ZNF536: variants seen among roughly 807,000 people sequenced by gnomAD.
ZNF536 encodes the protein zinc finger protein 536.
In ZNF536, 13 loss-of-function variants were observed where a neutral mutation model predicts 84.5. That is an observed-to-expected ratio of 0.15 (90% confidence interval 0.10 to 0.24). ZNF536 has a LOEUF of 0.24. Among genes scored for constraint, ZNF536 ranks in the 10% least tolerant of loss-of-function variants. ZNF536 has a pLI of 1.00. For missense variants in ZNF536, 1,536 were observed against 1,747.5 expected (o/e 0.88, Z 2.16); for synonymous variants, 811 against 742.5 (o/e 1.09, Z -1.50).
intron 3 of ZNF536, among the ~76,000 whole-genome samples, chr19:30,543,524 T>C (rs943219282): frequency 2.6e-5 from 4 of 152,216 alleles, no homozygotes; most frequent in Non-Finnish European, 4.4e-5. Flanking sequence ...GCCTGGCTCT[T>C]TTGGCATGGA....
intron 1 of ZNF536, among the ~76,000 whole-genome samples, chr19:30,689,428 T>A (rs914189578): frequency 6.6e-6 from 1 of 152,182 alleles, no homozygotes; most frequent in East Asian, 1.9e-4. Context: ...AACAGGAACA[T>A]TTTCTTTCAG....
chr19:30,683,387 A>G (rs1384393833), intron 1 of ZNF536, among the ~76,000 whole-genome samples: 1 of 152,228 alleles, frequency 6.6e-6, no homozygotes, highest in Non-Finnish European at 1.5e-5. Flanking sequence ...TTCCAGGCTT[A>G]ATATCCTCCC....
chr19:30,399,679 G>T (rs1043754058), intron 1 of ZNF536, among the ~76,000 whole-genome samples: 84 of 112,846 alleles, frequency 7.4e-4, no homozygotes, highest in African/African-American at 1.8e-3. Context: ...AATAAGAAAT[G>T]TTTTTTTTTT....
intron 2 of ZNF536, among the ~76,000 whole-genome samples, chr19:30,288,635 G>A (rs773350917): frequency 1.3e-5 from 2 of 152,154 alleles, no homozygotes; most frequent in Non-Finnish European, 2.9e-5. Flanking sequence ...CAGATTTCCT[G>A]GGTTGGAACC....
chr19:30,465,899 C>T (rs1345428079), intron 2 of ZNF536, among the ~76,000 whole-genome samples: 8 of 152,086 alleles, frequency 5.3e-5, no homozygotes, highest in Non-Finnish European at 1.0e-4. Flanking sequence ...TACAGGCACC[C>T]GCCACCACAC....
chr19:30,330,032 T>C (rs950849306), intron 2 of ZNF536, among the ~76,000 whole-genome samples: 2 of 152,178 alleles, frequency 1.3e-5, no homozygotes, highest in African/African-American at 4.8e-5. Flanking sequence ...AGCACTTATT[T>C]TCATGCCTGG....
chr19:30,247,325 C>T (rs1221171916), intron 1 of ZNF536, among the ~76,000 whole-genome samples: 5 of 152,158 alleles, frequency 3.3e-5, no homozygotes, highest in Admixed American at 2.0e-4. Flanking sequence ...TCTGTTTCCC[C>T]GTCTGTAACA....
intron 2 of ZNF536, among the ~76,000 whole-genome samples, chr19:30,469,192 A>G (rs1411703246): frequency 1.3e-5 from 2 of 152,176 alleles, no homozygotes; most frequent in African/African-American, 4.8e-5. Context: ...AGGCAGGTGG[A>G]TCACGAGGTC....
chr19:30,682,685 CT>C (rs2051024293), intron 1 of ZNF536, among the ~76,000 whole-genome samples: 1 of 152,224 alleles, frequency 6.6e-6, no homozygotes, highest in African/African-American at 2.4e-5. Context: ...TGCCCTCCCT[CT>C]CTGCCTCCCC....
At position 30,401,106 on chromosome 19, in the gene ZNF536, C is replaced by T. The variant is rs201087304; in HGVS notation, c.-3+28550C>T. Among the ~76,000 whole-genome samples the T allele has an allele frequency of 6.6e-5, 10 of 152,268 alleles. No individual in the cohort carries two copies. In the East Asian group the frequency reaches 1.9e-3, roughly 29 times the overall value. On this transcript the variant is annotated intron_variant, in intron 1 of 4. Transcript: ENST00000355537. ...TTATAGATATCCAGTTGTTCTAGCT[C>T]CATTTGCTGCAAAAAACTCTCCTTC...
intron 2 of ZNF536, among the ~76,000 whole-genome samples, chr19:30,456,339 C>A (rs752593421): frequency 7.6e-6 from 1 of 131,988 alleles, no homozygotes; most frequent in Non-Finnish European, 1.6e-5. Flanking sequence ...GCCTGAGATG[C>A]AACCTCTGAG....
intron 2 of ZNF536, among the ~76,000 whole-genome samples, chr19:30,451,684 G>C (rs1382016532): frequency 6.6e-6 from 1 of 152,104 alleles, no homozygotes; most frequent in Admixed American, 6.5e-5. Flanking sequence ...GATTAGATTC[G>C]AGGCCGCGGA....
chr19:30,509,284 A>G (rs1333310609), intron 2 of ZNF536, among the ~76,000 whole-genome samples: 1 of 148,464 alleles, frequency 6.7e-6, no homozygotes, highest in African/African-American at 2.4e-5. Flanking sequence ...TATGTATAAT[A>G]TACAATATGT....
chr19:30,380,132 C>A (rs1389491482), intron 1 of ZNF536, among the ~76,000 whole-genome samples: 1 of 152,140 alleles, frequency 6.6e-6, no homozygotes, highest in Admixed American at 6.6e-5. Flanking sequence ...GAAGTCAAGG[C>A]AAAATATAGC....
At chr19:30,324,471 C>G (rs1009377948) in intron 2 of ZNF536, among the ~76,000 whole-genome samples, 1 of 152,204 alleles carries the variant, frequency 6.6e-6, no homozygotes. Context: ...CAGTCTTGAC[C>G]TCCCAGGCTC....
intron 2 of ZNF536, among the ~76,000 whole-genome samples, chr19:30,521,980 G>A (rs955498934): frequency 9.2e-5 from 14 of 152,018 alleles, no homozygotes; most frequent in South Asian, 4.1e-4. Flanking sequence ...CAGTTGTATT[G>A]TGTAAACTAC....
Position 30,611,221 on chromosome 19 carries a change from A to G in ZNF536, c.169+61707A>G, listed in dbSNP as rs571483904. On this transcript the variant is annotated intron_variant, in intron 1 of 1. Transcript: ENST00000592773. Reference sequence around the variant, plus strand: ...TCTATCCTCCAAGATGATGGGAAGCAGGAAGGAGTCTCCTCTCTTCCCATC... The same window carrying G: ...TCTATCCTCCAAGATGATGGGAAGCGGGAAGGAGTCTCCTCTCTTCCCATC... Among the ~76,000 whole-genome samples, 6 of 152,292 alleles carry G rather than the reference A, an allele frequency of 3.9e-5. No individual in the cohort carries two copies. The East Asian group carries it at 5.8e-4, about 15-fold the overall frequency.
chr19:30,675,118 A>G (rs2050705042), intron 1 of ZNF536, among the ~76,000 whole-genome samples: 1 of 152,138 alleles, frequency 6.6e-6, no homozygotes, highest in Non-Finnish European at 1.5e-5. Context: ...GTAGCTATCT[A>G]TAGGACAGTG....
At chr19:30,561,082 G>C (rs569943210), downstream of ZNF536, among the ~76,000 whole-genome samples, 7 of 152,294 alleles carry the variant, frequency 4.6e-5, no homozygotes, top group South Asian at 1.4e-3. Context: ...CTGCTCACAA[G>C]GTTAAGTTTT....
Sources: allele counts gnomAD v4.1 joint callset (sites outside exome capture counted in the v4.1 genomes callset), GRCh38; gene constraint gnomAD v4.1.1; transcripts MANE v1.5; gene names NCBI Gene and HGNC (gene_info 2026-07-23, HGNC 2026-07-21).